CD68: variants seen among roughly 807,000 people sequenced by gnomAD.
CD68 encodes CD68 molecule, also known as macrosialin.
Under a neutral mutation model 31.3 loss-of-function variants are expected in CD68, and 24 were observed. The ratio of observed to expected loss-of-function variants is 0.77; its 90% CI spans 0.55 to 1.08. The LOEUF (loss-of-function observed/expected upper bound fraction) is 1.08, where lower values mean the gene tolerates loss of function less well. Among genes scored for constraint, CD68 ranks in the 50% least tolerant of loss-of-function variants. The pLI is 0.00. For synonymous variants in CD68, 190 were observed against 179.6 expected, an observed-to-expected ratio of 1.06 and a Z score of -0.46; for missense variants, 461 against 442.5, an observed-to-expected ratio of 1.04 and a Z score of -0.38.
At position 7,580,048 on chromosome 17, in the gene CD68, T is replaced by C. The variant is rs1198029637; in HGVS notation, c.288T>C (p.Asn96=). 5 of 1,612,890 alleles carry C rather than the reference T, an allele frequency of 3.1e-6. No individual in the cohort carries two copies. The highest frequency in any genetic ancestry group is 3.4e-6 in the Non-Finnish European group (4 of 1,179,726). ...ACGTCACAGTTCATCCAACAAGCAATAGCACTGCCACCAGCCAGGGACCCT... is the reference window on the plus strand; with the variant it reads ...ACGTCACAGTTCATCCAACAAGCAACAGCACTGCCACCAGCCAGGGACCCT... ...HGNVTVHPTS[N]STATSQGPST... The change falls in exon 2 of 6, where the codon AAT becomes AAC. Residue 96 remains asparagine, a synonymous_variant. Coordinates refer to ENST00000250092, the MANE Select transcript of CD68 (RefSeq NM_001251.3). The surrounding 1 kb of genome is among the most constrained non-coding windows in gnomAD (Gnocchi z 4.3).
In CD68 at chr17:7,580,580, A is replaced by C. The variant is rs1429899542; in HGVS notation, c.682A>C (p.Met228Leu). Residue 228 changes from methionine (M) to leucine (L), a missense_variant, in exon 3 of 6, where the codon ATG (methionine) becomes CTG (leucine). Coordinates refer to ENST00000250092, the MANE Select transcript of CD68 (RefSeq NM_001251.3). This position sits in a 1 kb window ranked among gnomAD's most constrained non-coding sequence, Gnocchi z 4.3. ...CTATGGACACCTCAGCTTTGGATTC[A>C]TGCAGGTATAGCCATGACCTCAGTC... is the stretch of plus-strand genomic sequence containing the variant. ...FPYGHLSFGF[M>L]QDLQQKVVYL... 6.2e-7 allele frequency: 1 copy of C among 1,613,872 alleles called. No individual in the cohort carries two copies. Among genetic ancestry groups the C allele is most frequent in the Non-Finnish European group, 8.5e-7 (1 of 1,179,998 alleles).
Position 7,580,342 on chromosome 17 carries a change from G to A in CD68, c.567+15G>A, listed in dbSNP as rs1158425995. Reference sequence around the variant, plus strand: ...GTGGAGGAGAGGTAAAGCTAAAACTGGGGGATGAGAGGGGAGGGAGGCAGG... The same window carrying A: ...GTGGAGGAGAGGTAAAGCTAAAACTAGGGGATGAGAGGGGAGGGAGGCAGG... On this transcript the variant is annotated intron_variant, in intron 2 of 5. Transcript: ENST00000250092. The surrounding 1 kb of genome is among the most constrained non-coding windows in gnomAD (Gnocchi z 4.3). 2 of 1,603,430 alleles carry A rather than the reference G, an allele frequency of 1.2e-6. No homozygotes were observed. The highest frequency in any genetic ancestry group is 2.7e-5 in the African/African-American group (2 of 74,736).
chr17:7,580,451 CTT>C lies in CD68; in HGVS notation c.568-13_568-12del, dbSNP rs1269677900. 3.7e-6 allele frequency: 6 copies of C among 1,613,972 alleles called. No homozygotes were observed. The highest frequency in any genetic ancestry group is 1.1e-5 in the South Asian group (1 of 91,068). On this transcript the variant is annotated splice_polypyrimidine_tract_variant and intron_variant, in intron 2 of 5. Coordinates refer to ENST00000250092, the MANE Select transcript of CD68 (RefSeq NM_001251.3). This position sits in a 1 kb window ranked among gnomAD's most constrained non-coding sequence, Gnocchi z 4.3. ...GCATGCAGTCTTGTGACCTTCCAGT[CTT>C]TAACTTCCGCAGGCCTGGGGCATCT...
In CD68 at chr17:7,579,734, G is replaced by A. The variant is rs200677854; in HGVS notation, c.49+8G>A. On this transcript the variant is annotated splice_region_variant and intron_variant, in intron 1 of 5. Transcript: ENST00000250092. ...TGCTGGGGCTACTGGCAGGTAAGGA[G>A]GAAGGAGGCTGAGGGGAGGGGGCCC... 101 of 1,604,526 alleles carry A rather than the reference G, an allele frequency of 6.3e-5. 2 individuals are homozygous for A. In the East Asian group the frequency reaches 2.3e-3, roughly 36 times the overall value.
Position 7,580,111 on chromosome 17 carries a change from A to C in CD68, c.351A>C (p.Gly117=), listed in dbSNP as rs763298143. ...ATHSPATTSH[G]NATVHPTSNS... is the part of the protein sequence containing the mutation. ...ACAGTCCTGCCACCACTAGTCATGG[A>C]AATGCCACGGTTCATCCAACAAGCA... Residue 117 remains glycine, a synonymous_variant, in exon 2 of 6, where the codon GGA becomes GGC. Transcript: ENST00000250092. This position sits in a 1 kb window ranked among gnomAD's most constrained non-coding sequence, Gnocchi z 4.3. 1 of 1,614,086 alleles carries C rather than the reference A, an allele frequency of 6.2e-7. No individual in the cohort carries two copies. Among genetic ancestry groups the C allele is most frequent in the Non-Finnish European group, 8.5e-7 (1 of 1,179,994 alleles).
In CD68 at chr17:7,581,556, T is replaced by TG. The variant is rs34688956; in HGVS notation, c.*52dup. 1.6e-4 allele frequency: 257 copies of TG among 1,590,458 alleles called. No individual in the cohort carries two copies. Among genetic ancestry groups the TG allele is most frequent in the African/African-American group, 4.4e-4 (33 of 74,426 alleles). On this transcript the variant is annotated 3_prime_UTR_variant, in exon 6 of 6. Transcript: ENST00000250092. ...GGGCACTGAGGGGGTTGGGGTGTGGTGGGGGGGTACCCTTATTTCCTCGAC... is the reference window on the plus strand; with the variant it reads ...GGGCACTGAGGGGGTTGGGGTGTGGTGGGGGGGGTACCCTTATTTCCTCGAC...
At position 7,581,594 on chromosome 17, in the gene CD68, C is replaced by A. The variant is rs2071486289; in HGVS notation, c.*83C>A. On this transcript the variant is annotated 3_prime_UTR_variant, in exon 6 of 6. Coordinates refer to ENST00000250092, the MANE Select transcript of CD68 (RefSeq NM_001251.3). The stretch of plus-strand genomic sequence containing the variant: ...TTATTTCCTCGACACGCAACTGGCT[C>A]AAAGACAATGTTATTTTCCTTCCCT... The A allele has an allele frequency of 7.1e-7, 1 of 1,403,414 alleles. No individual in the cohort carries two copies. Among genetic ancestry groups the A allele is most frequent in the South Asian group, 1.2e-5 (1 of 85,554 alleles). 86.9% of individuals were successfully genotyped at this position (1,403,414 alleles called of 1,614,324 possible).
chr17:7,580,777 G>A lies in CD68; in HGVS notation c.754G>A (p.Ala252Thr), dbSNP rs779883441. ...AVEYNVSFPH[A>T]AQWTFSAQNA... ...GGAGTACAATGTGTCCTTCCCCCAC[G>A]CAGCACGTAAGTAACCTCCTTCCCT... is the stretch of plus-strand genomic sequence containing the variant. Residue 252 changes from alanine (A) to threonine (T), a missense_variant, in exon 4 of 6, where the codon GCA becomes ACA. Physicochemically the swap from Ala to Thr is moderately conservative, Grantham distance 58. Coordinates refer to ENST00000250092, the MANE Select transcript of CD68 (RefSeq NM_001251.3). This position sits in a 1 kb window ranked among gnomAD's most constrained non-coding sequence, Gnocchi z 4.3. The A allele has an allele frequency of 8.1e-6, 13 of 1,613,792 alleles. No homozygotes were observed. Among genetic ancestry groups the A allele is most frequent in the Non-Finnish European group, 3.4e-6 (4 of 1,179,986 alleles).
Position 7,580,432 on chromosome 17 carries a change from A to C in CD68, c.568-34A>C. 6.2e-7 allele frequency: 1 copy of C among 1,612,896 alleles called. No homozygotes were observed. Among genetic ancestry groups the C allele is most frequent in the Non-Finnish European group, 8.5e-7 (1 of 1,179,102 alleles). ...GGGAACCTTGGCCGGCATCGCATGC[A>C]GTCTTGTGACCTTCCAGTCTTTAAC... is the stretch of plus-strand genomic sequence containing the variant. On this transcript the variant is annotated intron_variant, in intron 2 of 5. Transcript: ENST00000250092. The surrounding 1 kb of genome is among the most constrained non-coding windows in gnomAD (Gnocchi z 4.3).
chr17:7,580,242 C>G lies in CD68; in HGVS notation c.482C>G (p.Thr161Arg). 1.2e-6 allele frequency: 2 copies of G among 1,613,660 alleles called. No individual in the cohort carries two copies. Among genetic ancestry groups the G allele is most frequent in the Non-Finnish European group, 1.7e-6 (2 of 1,179,864 alleles). Reference sequence around the variant, plus strand: ...TCCAAGGAGACCATTGGAGACTACACGTGGACCAATGGTTCCCAGCCCTGT... The same window carrying G: ...TCCAAGGAGACCATTGGAGACTACAGGTGGACCAATGGTTCCCAGCCCTGT... ...PTSKETIGDY[T>R]WTNGSQPCVH... The change falls in exon 2 of 6, where the codon ACG becomes AGG. Residue 161 changes from threonine (T) to arginine (R), a missense_variant. Coordinates refer to ENST00000250092, the MANE Select transcript of CD68 (RefSeq NM_001251.3). This position sits in a 1 kb window ranked among gnomAD's most constrained non-coding sequence, Gnocchi z 4.3.
In CD68 at chr17:7,580,894, AGAGTGGACATTCTCGGCTCAGAAT is replaced by A; in HGVS notation, c.761_784del (p.Gln254_Ala262delinsPro). The A allele has an allele frequency of 6.2e-7, 1 of 1,613,978 alleles. No homozygotes were observed. The highest frequency in any genetic ancestry group is 1.3e-5 in the African/African-American group (1 of 74,974). On this transcript the variant is annotated splice_acceptor_variant and coding_sequence_variant, in exon 5 of 6. Coordinates refer to ENST00000250092, the MANE Select transcript of CD68 (RefSeq NM_001251.3). LOFTEE classifies it high-confidence loss of function. The surrounding 1 kb of genome is among the most constrained non-coding windows in gnomAD (Gnocchi z 4.3). ...GGATCTGACCCTTCCTCACTCCTCCAGAGTGGACATTCTCGGCTCAGAATGCATCCCTTCGAGATCTCCAAGCAC... is the reference window on the plus strand; with the variant it reads ...GGATCTGACCCTTCCTCACTCCTCCAGCATCCCTTCGAGATCTCCAAGCAC...
intron 5 of CD68, 21 bp from the exon 6 acceptor site, chr17:7,581,357 C>T: frequency 6.2e-7 from 1 of 1,614,094 alleles, no homozygotes; most frequent in Non-Finnish European, 8.5e-7. Flanking sequence ...CAAATACCTA[C>T]CTGCCCTATC....
chr17:7,580,455 AACTTCC>A lies in CD68; in HGVS notation c.568-10_568-5del. On this transcript the variant is annotated splice_region_variant and splice_polypyrimidine_tract_variant and intron_variant, in intron 2 of 5. Coordinates refer to ENST00000250092, the MANE Select transcript of CD68 (RefSeq NM_001251.3). The surrounding 1 kb of genome is among the most constrained non-coding windows in gnomAD (Gnocchi z 4.3). ...GCAGTCTTGTGACCTTCCAGTCTTT[AACTTCC>A]GCAGGCCTGGGGCATCTCTGTACTG... The A allele has an allele frequency of 6.2e-7, 1 of 1,613,912 alleles. No individual in the cohort carries two copies. Among genetic ancestry groups the A allele is most frequent in the Non-Finnish European group, 8.5e-7 (1 of 1,179,940 alleles).
At position 7,581,069 on chromosome 17, in the gene CD68, A is replaced by T; in HGVS notation, c.931+3A>T. 1 of 1,612,290 alleles carries T rather than the reference A, an allele frequency of 6.2e-7. No homozygotes were observed. The highest frequency in any genetic ancestry group is 1.1e-5 in the South Asian group (1 of 91,046). ...CCACACAGGGGTCTTTGGGCAAAGTAAGACCTACCTACTCCTTCCCTCCTA... is the reference window on the plus strand; with the variant it reads ...CCACACAGGGGTCTTTGGGCAAAGTTAGACCTACCTACTCCTTCCCTCCTA... On this transcript the variant is annotated splice_donor_region_variant and intron_variant, in intron 5 of 5. Transcript: ENST00000250092.
At position 7,581,059 on chromosome 17, in the gene CD68, T is replaced by TG. The variant is rs2071478673; in HGVS notation, c.927dup (p.Gln310AlafsTer8). The stretch of plus-strand genomic sequence containing the variant: ...CTCAGCTGCCCCACACAGGGGTCTT[T>TG]GGGCAAAGTAAGACCTACCTACTCC... On this transcript the variant is annotated frameshift_variant, in exon 5 of 6. Coordinates refer to ENST00000250092, the MANE Select transcript of CD68 (RefSeq NM_001251.3). LOFTEE classifies it high-confidence loss of function. 1 of 1,613,422 alleles carries TG rather than the reference T, an allele frequency of 6.2e-7. No individual in the cohort carries two copies. The highest frequency in any genetic ancestry group is 1.3e-5 in the African/African-American group (1 of 74,864).
At position 7,579,861 on chromosome 17, in the gene CD68, C is replaced by T. The variant is rs376913600; in HGVS notation, c.101C>T (p.Pro34Leu). Residue 34 changes from proline (P) to leucine (L), a missense_variant, in exon 2 of 6, where the codon CCA (proline) becomes CTA (leucine). Transcript: ENST00000250092. ...CACAAAAAATCAGCTACTTTGCTGC[C>T]ATCCTTCACGGTGACACCCACGGTT... is the stretch of plus-strand genomic sequence containing the variant. Reference protein sequence around the residue: ...CPHKKSATLLPSFTVTPTVTE... With the variant: ...CPHKKSATLLLSFTVTPTVTE... 1.2e-6 allele frequency: 2 copies of T among 1,613,958 alleles called. No homozygotes were observed. Among genetic ancestry groups the T allele is most frequent in the African/African-American group, 2.7e-5 (2 of 74,866 alleles).
In CD68 at chr17:7,581,479, C is replaced by T. The variant is rs751640523; in HGVS notation, c.1033C>T (p.Arg345Trp). 7 of 1,614,022 alleles carry T rather than the reference C, an allele frequency of 4.3e-6. No individual in the cohort carries two copies. The highest frequency in any genetic ancestry group is 1.7e-5 in the Admixed American group (1 of 60,012). The stretch of plus-strand genomic sequence containing the variant: ...GGTGCTTATTGCTTTCTGCATCATC[C>T]GGAGACGCCCATCCGCCTACCAGGC... ...ALVLIAFCII[R>W]RRPSAYQAL is the part of the protein sequence containing the mutation. Residue 345 changes from arginine (R) to tryptophan (W), a missense_variant, in exon 6 of 6, where the codon CGG (arginine) becomes TGG (tryptophan). Coordinates refer to ENST00000250092, the MANE Select transcript of CD68 (RefSeq NM_001251.3).
In CD68 at chr17:7,581,615, T is replaced by C; in HGVS notation, c.*104T>C. ...GGCTCAAAGACAATGTTATTTTCCT[T>C]CCCTTTCTTGAAGAACAAAAAGAAA... On this transcript the variant is annotated 3_prime_UTR_variant, in exon 6 of 6. Coordinates refer to ENST00000250092, the MANE Select transcript of CD68 (RefSeq NM_001251.3). 1.6e-6 allele frequency: 2 copies of C among 1,276,466 alleles called. No homozygotes were observed. The highest frequency in any genetic ancestry group is 2.2e-6 in the Non-Finnish European group (2 of 904,826). 79.1% of individuals were successfully genotyped at this position (1,276,466 alleles called of 1,614,324 possible). A position where few individuals can be genotyped will look rare whatever the true frequency, so the allele number is the denominator to read the frequency against.
Position 7,579,798 on chromosome 17 carries a change from C to T in CD68, c.50-12C>T. ...TGCCCTGGGTTGCTAACCATCTCCT[C>T]TCTGCCAAAAGCCCAGGGGACAGGG... is the stretch of plus-strand genomic sequence containing the variant. On this transcript the variant is annotated splice_polypyrimidine_tract_variant and intron_variant, in intron 1 of 5. Transcript: ENST00000250092. The T allele has an allele frequency of 6.2e-7, 1 of 1,610,114 alleles. No individual in the cohort carries two copies. The highest frequency in any genetic ancestry group is 8.5e-7 in the Non-Finnish European group (1 of 1,177,502).
Sources: gnomAD v4.1 joint callset for allele counts on GRCh38, gnomAD v4.1.1 for gene constraint, Gnocchi (gnomAD v3.1) non-coding constraint, MANE v1.5 for transcripts, NCBI Gene and HGNC (gene_info 2026-07-23, HGNC 2026-07-21) for gene names.